Variants in DNAAF4 observed in about 807,000 individuals in gnomAD.
The protein encoded by DNAAF4 is dynein assembly factor 4, axonemal.
Under a neutral mutation model 51.8 loss-of-function variants are expected in DNAAF4, and 43 were observed. The ratio of observed to expected loss-of-function variants is 0.83; its 90% CI spans 0.65 to 1.07. The LOEUF is 1.07. Among genes scored for constraint, DNAAF4 ranks in the 50% least tolerant of loss-of-function variants. The probability of loss-of-function intolerance (pLI) is 0.00; values close to 1 mark genes in which losing one functional copy is unlikely to be tolerated. For missense variants in DNAAF4, 581 were observed against 493.0 expected (o/e 1.18, Z -1.69); for synonymous variants, 194 against 165.6 (o/e 1.17, Z -1.32).
At chr15:55,483,897 G>A (rs2058449204) in intron 4 of DNAAF4, among the ~76,000 whole-genome samples, 1 of 132,138 alleles carries the variant, frequency 7.6e-6, no homozygotes, top group Non-Finnish European at 1.5e-5. Flanking sequence ...CCAAATAATG[G>A]GAGAAGAGAG....
At chr15:55,440,143 C>A (rs1165283805) in intron 6 of DNAAF4, among the ~76,000 whole-genome samples, 3 of 151,974 alleles carry the variant, frequency 2.0e-5, no homozygotes, top group Non-Finnish European at 4.4e-5. Context: ...ACCTCCACCT[C>A]CCAGGTTCAA....
chr15:55,497,714 C>A lies in DNAAF4; in HGVS notation c.269G>T (p.Gly90Val). The change falls in exon 3 of 10, where the codon GGT (glycine) becomes GTT (valine). Residue 90 changes from glycine to valine, a missense_variant and splice_region_variant. Gly to Val is a moderately radical substitution (Grantham distance 109). Coordinates refer to ENST00000321149, the MANE Select transcript of DNAAF4 (RefSeq NM_130810.4). Reference protein sequence around the residue: ...AAMWETLSVTGVDKEMMQRIR... With the variant: ...AAMWETLSVTVVDKEMMQRIR... ...ACATCTTTTAATAAAGAACTTACCA[C>A]CCGTCACAGAAAGGGTCTCCCACAT... is the stretch of plus-strand genomic sequence containing the variant. 2 of 1,602,960 alleles carry A rather than the reference C, an allele frequency of 1.2e-6. No homozygotes were observed. Among genetic ancestry groups the A allele is most frequent in the East Asian group, 2.2e-5 (1 of 44,774 alleles).
chr15:55,472,473 G>T (rs919765731), intron 4 of DNAAF4, among the ~76,000 whole-genome samples: 1 of 151,730 alleles, frequency 6.6e-6, no homozygotes, highest in Non-Finnish European at 1.5e-5. Flanking sequence ...CAAAAATTAG[G>T]TGGGTGTGGT....
chr15:55,462,801 A>C (rs1007541768), intron 5 of DNAAF4, among the ~76,000 whole-genome samples: 4 of 152,142 alleles, frequency 2.6e-5, no homozygotes, highest in African/African-American at 7.2e-5. Flanking sequence ...TACACACACA[A>C]AAAATCAATA....
chr15:55,466,837 C>G, intron 5 of DNAAF4, 93 bp downstream of exon 5: 1 of 1,471,346 alleles, frequency 6.8e-7, no homozygotes. Context: ...AAAACAGTAA[C>G]CTAATGCTGT....
chr15:55,425,271 C>G (rs902052052), intron 7 of DNAAF4, among the ~76,000 whole-genome samples: 1 of 152,214 alleles, frequency 6.6e-6, no homozygotes, highest in Non-Finnish European at 1.5e-5. Context: ...TGACCAGATT[C>G]CTCATTCCCT....
intron 4 of DNAAF4, among the ~76,000 whole-genome samples, chr15:55,478,014 A>G (rs953516310): frequency 6.6e-6 from 1 of 152,162 alleles, no homozygotes; most frequent in Admixed American, 6.5e-5. Flanking sequence ...GTCAGTTAAG[A>G]CTCTAGCAGT....
At chr15:55,478,039 T>A (rs1197687791) in intron 4 of DNAAF4, among the ~76,000 whole-genome samples, 1 of 152,194 alleles carries the variant, frequency 6.6e-6, no homozygotes, top group African/African-American at 2.4e-5. Flanking sequence ...AAGCAGGAGC[T>A]AGATGAAGAC....
At chr15:55,473,198 A>AAAAAATATAT (rs1209754897) in intron 4 of DNAAF4, among the ~76,000 whole-genome samples, 3,560 of 75,472 alleles carry the variant, frequency 0.047, 409 homozygotes, top group Admixed American at 0.065. Flanking sequence ...AAAAAAAAAA[A>AAAAAATATAT]ATATATATAT....
At chr15:55,456,510 C>T (rs1026031466) in intron 5 of DNAAF4, among the ~76,000 whole-genome samples, 1 of 152,126 alleles carries the variant, frequency 6.6e-6, no homozygotes, top group Non-Finnish European at 1.5e-5. Flanking sequence ...GATTAACATG[C>T]AGCTGCCACC....
At chr15:55,434,514 C>T (rs1238636001) in intron 8 of DNAAF4, among the ~76,000 whole-genome samples, 2 of 152,048 alleles carry the variant, frequency 1.3e-5, no homozygotes, top group Non-Finnish European at 2.9e-5. Context: ...AGTTACCCTG[C>T]AAATGAGAAA....
At position 55,483,511 on chromosome 15, in the gene DNAAF4, T is replaced by C. The variant is rs549262560; in HGVS notation, c.405+7612A>G. 4.6e-5 allele frequency among the ~76,000 whole-genome samples: 7 copies of C among 152,282 alleles called. No homozygotes were observed. In the South Asian group the frequency reaches 8.3e-4, roughly 18 times the overall value. ...CTACACTTTAAAAGAATGAACTTTA[T>C]GGTATATAAATTATATCTCAATAAA... is the stretch of plus-strand genomic sequence containing the variant. On this transcript the variant is annotated intron_variant, in intron 4 of 9. Coordinates refer to ENST00000321149, the MANE Select transcript of DNAAF4 (RefSeq NM_130810.4).
chr15:55,431,711 C>CTTGT (rs2057498339), intron 9 of DNAAF4, among the ~76,000 whole-genome samples: 1 of 152,150 alleles, frequency 6.6e-6, no homozygotes, highest in East Asian at 1.9e-4. Flanking sequence ...ATCTCCTGAC[C>CTTGT]TTGTGATCCA....
intron 3 of DNAAF4, among the ~76,000 whole-genome samples, chr15:55,493,620 G>A (rs1030457879): frequency 2.0e-5 from 3 of 152,092 alleles, no homozygotes; most frequent in African/African-American, 7.2e-5. Flanking sequence ...GACAGTCTAC[G>A]TGTATAAACT....
chr15:55,428,488 T>C (rs1031589220), downstream of DNAAF4, among the ~76,000 whole-genome samples: 1 of 109,618 alleles, frequency 9.1e-6, no homozygotes, highest in Admixed American at 1.1e-4. Context: ...TTTTTTCTTT[T>C]TTTTTTTTTT....
At position 55,435,068 on chromosome 15, in the gene DNAAF4, C is replaced by T. The variant is rs770848171; in HGVS notation, c.894-10G>A. 1.9e-6 allele frequency: 3 copies of T among 1,568,564 alleles called. No individual in the cohort carries two copies. The highest frequency in any genetic ancestry group is 2.6e-6 in the Non-Finnish European group (3 of 1,163,262). The stretch of plus-strand genomic sequence containing the variant: ...CGTTGCAAACAATTTGCTAATGAGA[C>T]AAAAACAGAGAAGAAAAACAATTTA... On this transcript the variant is annotated splice_polypyrimidine_tract_variant and intron_variant, in intron 7 of 9. Transcript: ENST00000321149.
intron 4 of DNAAF4, among the ~76,000 whole-genome samples, chr15:55,478,286 A>T (rs1025396121): frequency 3.9e-5 from 6 of 152,230 alleles, no homozygotes; most frequent in African/African-American, 1.4e-4. Flanking sequence ...TAACCTGCCA[A>T]TTTGAAAAAC....
chr15:55,473,817 C>A (rs2058300020), intron 4 of DNAAF4, among the ~76,000 whole-genome samples: 1 of 151,780 alleles, frequency 6.6e-6, no homozygotes, highest in Admixed American at 6.6e-5. Flanking sequence ...ATGGCAAAAC[C>A]CCTATCTCTA....
At chr15:55,489,534 G>A (rs981379248) in intron 4 of DNAAF4, among the ~76,000 whole-genome samples, 1 of 151,952 alleles carries the variant, frequency 6.6e-6, no homozygotes, top group Non-Finnish European at 1.5e-5. Flanking sequence ...AATTAGCCAG[G>A]CGTGGTGGTG....
Sources: allele counts gnomAD v4.1 joint callset (sites outside exome capture counted in the v4.1 genomes callset), GRCh38; gene constraint gnomAD v4.1.1; transcripts MANE v1.5; gene names NCBI Gene and HGNC (gene_info 2026-07-23, HGNC 2026-07-21).